The following ZNF609 variants were observed in gnomAD, a reference collection of about 807,000 sequenced individuals.
The protein encoded by ZNF609 is zinc finger protein 609.
Under a neutral mutation model 109.5 loss-of-function variants are expected in ZNF609, and 11 were observed. The ratio of observed to expected loss-of-function variants is 0.10; its 90% CI spans 0.06 to 0.17. The LOEUF is 0.17. Among genes scored for constraint, ZNF609 ranks in the 10% least tolerant of loss-of-function variants. The probability of loss-of-function intolerance (pLI) is 1.00; values close to 1 mark genes in which losing one functional copy is unlikely to be tolerated. For missense variants in ZNF609, 1,559 were observed against 1,772.4 expected (o/e 0.88, Z 2.16); for synonymous variants, 646 against 662.0 (o/e 0.98, Z 0.37).
chr15:64,495,417 G>A (rs1406878500), intron 1 of ZNF609, among the ~76,000 whole-genome samples: 1 of 151,960 alleles, frequency 6.6e-6, no homozygotes, highest in African/African-American at 2.4e-5. Context: ...TTTTTCAGAT[G>A]GCATCTCGCT....
Position 64,480,734 on chromosome 15 carries a change from G to A in ZNF609, c.-127-18559G>A, listed in dbSNP as rs530092258. Among the ~76,000 whole-genome samples the A allele has an allele frequency of 2.0e-5, 3 of 152,266 alleles. 1 individual carries two copies. The East Asian group carries it at 5.8e-4, about 29-fold the overall frequency. On this transcript the variant is annotated intron_variant, in intron 1 of 9. Coordinates refer to ENST00000326648, the MANE Select transcript of ZNF609 (RefSeq NM_015042.2). ...CTATAACCAGGGAAGTAGCATGGAAGTTTGAAAGGTTTAAATCCTTGCTTA... is the reference window on the plus strand; with the variant it reads ...CTATAACCAGGGAAGTAGCATGGAAATTTGAAAGGTTTAAATCCTTGCTTA...
At chr15:64,547,546 A>C (rs769494702) in intron 2 of ZNF609, among the ~76,000 whole-genome samples, 4 of 152,228 alleles carry the variant, frequency 2.6e-5, no homozygotes, top group African/African-American at 4.8e-5. Context: ...TGTGCTCTAA[A>C]GAATGATAAA....
rs1407410541 is a variant in ZNF609, at chr15:64,639,260, T to TA, written c.973+16212dup. 7.8e-4 allele frequency among the ~76,000 whole-genome samples: 118 copies of TA among 152,204 alleles called. 1 individual carries two copies. The highest frequency in any genetic ancestry group is 2.2e-4 in the Non-Finnish European group (15 of 68,038). On this transcript the variant is annotated intron_variant, in intron 3 of 9. Coordinates refer to ENST00000326648, the MANE Select transcript of ZNF609 (RefSeq NM_015042.2). The stretch of plus-strand genomic sequence containing the variant: ...AGCAATTCAGTGAGGCTAGTTAAGG[T>TA]AAAATCTGACTGATTTAATCAACAC...
At chr15:64,592,755 T>TAA (rs34625066) in intron 2 of ZNF609, among the ~76,000 whole-genome samples, 1 of 134,310 alleles carries the variant, frequency 7.4e-6, no homozygotes, top group African/African-American at 2.8e-5. Context: ...CATTTCTACT[T>TAA]AAAAAAAAAA....
At chr15:64,535,828 A>G (rs926159703) in intron 2 of ZNF609, among the ~76,000 whole-genome samples, 6 of 152,258 alleles carry the variant, frequency 3.9e-5, no homozygotes, top group Admixed American at 1.3e-4. Flanking sequence ...GCAGGTATGT[A>G]ATGGTACCTC....
At chr15:64,595,363 A>T (rs1895377035) in intron 2 of ZNF609, among the ~76,000 whole-genome samples, 1 of 151,150 alleles carries the variant, frequency 6.6e-6, no homozygotes, top group Admixed American at 6.6e-5. Context: ...TCCGTCTCAA[A>T]AAAAAAAAAA....
chr15:64,597,569 T>A (rs1378097588), intron 2 of ZNF609, among the ~76,000 whole-genome samples: 1 of 152,230 alleles, frequency 6.6e-6, no homozygotes, highest in Non-Finnish European at 1.5e-5. Flanking sequence ...TCTGAAGTGC[T>A]GAAAACATGG....
chr15:64,543,569 A>G (rs752948736), intron 2 of ZNF609, among the ~76,000 whole-genome samples: 2 of 150,618 alleles, frequency 1.3e-5, no homozygotes, highest in Admixed American at 6.6e-5. Context: ...CAGCCTCCTG[A>G]GTAGCTGGGA....
intron 1 of ZNF609, among the ~76,000 whole-genome samples, chr15:64,472,420 G>A (rs1322121032): frequency 2.6e-5 from 4 of 152,204 alleles, no homozygotes; most frequent in African/African-American, 9.6e-5. Context: ...AGTATTTGTG[G>A]AGAAAGACAG....
chr15:64,652,442 A>G (rs1896432753), intron 3 of ZNF609, among the ~76,000 whole-genome samples: 1 of 147,510 alleles, frequency 6.8e-6, no homozygotes, highest in Admixed American at 6.9e-5. Context: ...GCTGGAGTGC[A>G]GTGGTATGAT....
At chr15:64,563,803 A>G in intron 2 of ZNF609, among the ~76,000 whole-genome samples, 1 of 151,766 alleles carries the variant, frequency 6.6e-6, no homozygotes, top group East Asian at 1.9e-4. Context: ...ACAAAACAAA[A>G]CAAAAAAACC....
At chr15:64,579,430 T>G (rs889833506) in intron 2 of ZNF609, among the ~76,000 whole-genome samples, 3 of 145,614 alleles carry the variant, frequency 2.1e-5, no homozygotes, top group Non-Finnish European at 4.5e-5. Context: ...AAAAAAAAAG[T>G]AGCCAGACCT....
chr15:64,476,391 A>G (rs2140333832), intron 1 of ZNF609, among the ~76,000 whole-genome samples: 1 of 152,274 alleles, frequency 6.6e-6, no homozygotes, highest in African/African-American at 2.4e-5. Context: ...ATATGGGGAA[A>G]AGTACAGCAG....
intron 2 of ZNF609, among the ~76,000 whole-genome samples, chr15:64,543,031 T>C (rs1894293269): frequency 6.6e-6 from 1 of 152,128 alleles, no homozygotes; most frequent in African/African-American, 2.4e-5. Flanking sequence ...TTAGGACAAT[T>C]ACCTAATCCA....
intron 1 of ZNF609, among the ~76,000 whole-genome samples, chr15:64,462,839 A>G (rs1892962150): frequency 6.6e-6 from 1 of 152,190 alleles, no homozygotes; most frequent in African/African-American, 2.4e-5. Flanking sequence ...AACATTTTTG[A>G]AAAAATGTAT....
At chr15:64,515,999 G>A (rs965347292) in intron 2 of ZNF609, among the ~76,000 whole-genome samples, 5 of 151,608 alleles carry the variant, frequency 3.3e-5, no homozygotes, top group South Asian at 2.1e-4. Flanking sequence ...AGAAAAGATC[G>A]ACTTGTTTAG....
chr15:64,613,644 G>A (rs988471290), intron 2 of ZNF609, among the ~76,000 whole-genome samples: 3 of 151,280 alleles, frequency 2.0e-5, no homozygotes, highest in Non-Finnish European at 4.4e-5. Context: ...GCCGCCTGCC[G>A]GGTTCAAGGG....
Position 64,676,130 on chromosome 15 carries a change from G to C in ZNF609, c.3276G>C (p.Gln1092His). ...ATGACTCTTCAAAACTCCCGGGCCAGGCCCCTGAAGGCCTTAAAGTGAAGC... is the reference window on the plus strand; with the variant it reads ...ATGACTCTTCAAAACTCCCGGGCCACGCCCCTGAAGGCCTTAAAGTGAAGC... ...KLDDSSKLPG[Q>H]APEGLKVKLS... The change falls in exon 5 of 10, where the codon CAG becomes CAC. Residue 1092 changes from glutamine (Q) to histidine (H), a missense_variant. Gln to His is a conservative substitution (Grantham distance 24). Coordinates refer to ENST00000326648, the MANE Select transcript of ZNF609 (RefSeq NM_015042.2). 1 of 1,614,214 alleles carries C rather than the reference G, an allele frequency of 6.2e-7. No homozygotes were observed. Among genetic ancestry groups the C allele is most frequent in the Non-Finnish European group, 8.5e-7 (1 of 1,180,046 alleles).
At chr15:64,632,193 C>T (rs1410809140) in intron 3 of ZNF609, among the ~76,000 whole-genome samples, 1 of 152,006 alleles carries the variant, frequency 6.6e-6, no homozygotes, top group Non-Finnish European at 1.5e-5. Flanking sequence ...AGTAGGACCA[C>T]CAGAGCATGT....
Sources: gnomAD v4.1 joint callset for allele counts (sites outside exome capture counted in the v4.1 genomes callset) on GRCh38, gnomAD v4.1.1 for gene constraint, MANE v1.5 for transcripts, NCBI Gene and HGNC (gene_info 2026-07-23, HGNC 2026-07-21) for gene names.